The following ARK2N variants were observed in gnomAD, a reference collection of about 807,000 sequenced individuals.
The protein encoded by ARK2N is arkadia (RNF111) N-terminal like PKA signaling regulator 2N.
At chr18:46,193,111 G>C in the ARK2N span, among the ~76,000 whole-genome samples, 1 of 151,928 alleles carries the variant, frequency 6.6e-6, no homozygotes, top group African/African-American at 2.4e-5. Flanking sequence ...GGTTGCAAGT[G>C]AGCTGAGATT....
the ARK2N span, chr18:46,174,188 T>G: frequency 6.6e-6 from 1 of 152,354 alleles, no homozygotes; most frequent in African/African-American, 2.4e-5. Context: ...TGCCGGGGCT[T>G]GTTCCGAGGA....
At chr18:46,197,972 T>C in the ARK2N span, among the ~76,000 whole-genome samples, 1 of 152,160 alleles carries the variant, frequency 6.6e-6, no homozygotes, top group African/African-American at 2.4e-5. Flanking sequence ...AATCTGTTAC[T>C]TAACCTGCCC....
At chr18:46,178,841 G>C in the ARK2N span, among the ~76,000 whole-genome samples, 649 of 151,948 alleles carry the variant, frequency 4.3e-3, 3 homozygotes, top group African/African-American at 0.015. Context: ...TTGAGCCCAG[G>C]GGTTTGTGGC....
the ARK2N span, among the ~76,000 whole-genome samples, chr18:46,175,955 A>G: frequency 6.6e-6 from 1 of 152,108 alleles, no homozygotes; most frequent in Admixed American, 6.6e-5. Context: ...ACATGCATTT[A>G]TGTGAGAGTA....
At chr18:46,246,415 T>C in the ARK2N span, among the ~76,000 whole-genome samples, 656 of 152,334 alleles carry the variant, frequency 4.3e-3, 5 homozygotes, top group African/African-American at 0.015. Flanking sequence ...CATCCCAGAA[T>C]GCCTTTGGTG....
At chr18:46,181,747 G>A in the ARK2N span, among the ~76,000 whole-genome samples, 1 of 152,130 alleles carries the variant, frequency 6.6e-6, no homozygotes, top group Non-Finnish European at 1.5e-5. Flanking sequence ...TTGTGCTTGG[G>A]TAGTCTAGAA....
the ARK2N span, among the ~76,000 whole-genome samples, chr18:46,257,798 C>T: frequency 6.6e-6 from 1 of 152,066 alleles, no homozygotes; most frequent in Non-Finnish European, 1.5e-5. Context: ...CCTTTTGGTA[C>T]CTGTTCTGAG....
the ARK2N span, among the ~76,000 whole-genome samples, chr18:46,205,749 A>C: frequency 1.3e-5 from 2 of 152,116 alleles, no homozygotes; most frequent in Non-Finnish European, 2.9e-5. Context: ...ACAGGGTCTC[A>C]TTCTGTTGCC....
the ARK2N span, chr18:46,266,618 T>G: frequency 6.6e-6 from 1 of 152,668 alleles, no homozygotes; most frequent in African/African-American, 2.4e-5. Context: ...CATTGAAGCC[T>G]TTTGCTCCTC....
the ARK2N span, among the ~76,000 whole-genome samples, chr18:46,199,594 T>G: frequency 6.6e-6 from 1 of 151,834 alleles, no homozygotes; most frequent in Non-Finnish European, 1.5e-5. Context: ...CCCAAAATGC[T>G]GTGATTACAC....
the ARK2N span, among the ~76,000 whole-genome samples, chr18:46,243,939 A>G: frequency 1.3e-5 from 2 of 152,186 alleles, no homozygotes; most frequent in Non-Finnish European, 2.9e-5. Context: ...TAAGGAAGTG[A>G]TTAGTGGCTC....
the ARK2N span, among the ~76,000 whole-genome samples, chr18:46,195,305 G>C: frequency 2.7e-4 from 33 of 120,926 alleles, no homozygotes; most frequent in Middle Eastern, 7.5e-3. Context: ...ACCTCACTCA[G>C]TTGCCCAGGC....
the ARK2N span, among the ~76,000 whole-genome samples, chr18:46,211,044 C>T: frequency 6.6e-6 from 1 of 151,954 alleles, no homozygotes; most frequent in Admixed American, 6.6e-5. Flanking sequence ...AATAGAGAAA[C>T]CTTGAAGCCA....
the ARK2N span, among the ~76,000 whole-genome samples, chr18:46,255,844 A>G: frequency 6.6e-6 from 1 of 151,622 alleles, no homozygotes; most frequent in Admixed American, 6.6e-5. Flanking sequence ...TTTCTGCCTT[A>G]ATTACAAATT....
At chr18:46,198,889 G>A in the ARK2N span, among the ~76,000 whole-genome samples, 1 of 152,138 alleles carries the variant, frequency 6.6e-6, no homozygotes, top group African/African-American at 2.4e-5. Flanking sequence ...GAGCCACTGT[G>A]CCCAGCCTTT....
At chr18:46,236,500 A>G in the ARK2N span, among the ~76,000 whole-genome samples, 1 of 152,264 alleles carries the variant, frequency 6.6e-6, no homozygotes, top group Non-Finnish European at 1.5e-5. Flanking sequence ...TAGAAAAACC[A>G]GTAAGTTCAA....
At chr18:46,193,531 C>T in the ARK2N span, among the ~76,000 whole-genome samples, 2 of 150,418 alleles carry the variant, frequency 1.3e-5, no homozygotes, top group African/African-American at 2.5e-5. Flanking sequence ...TCAAGTGATC[C>T]ACCCACCTCG....
the ARK2N span, chr18:46,231,811 ATGG>A: frequency 6.6e-6 from 1 of 150,822 alleles, no homozygotes; most frequent in African/African-American, 2.4e-5. Context: ...CTGGAGTGCA[ATGG>A]CATGATCTCG....
the ARK2N span, among the ~76,000 whole-genome samples, chr18:46,261,847 G>A: frequency 6.6e-6 from 1 of 152,102 alleles, no homozygotes; most frequent in Non-Finnish European, 1.5e-5. Flanking sequence ...GGAGTTTAAG[G>A]GTCCTTGGGG....
Sources: gnomAD v4.1 joint callset for allele counts (sites outside exome capture counted in the v4.1 genomes callset) on GRCh38, gnomAD v4.1.1 for gene constraint, MANE v1.5 for transcripts, NCBI Gene and HGNC (gene_info 2026-07-23, HGNC 2026-07-21) for gene names.